DLGAP4: variants seen among roughly 807,000 people sequenced by gnomAD.
The protein encoded by DLGAP4 is DLG associated protein 4.
Under a neutral mutation model 86.9 loss-of-function variants are expected in DLGAP4, and 18 were observed. That is an observed-to-expected ratio of 0.21 (90% CI 0.14 to 0.31). The LOEUF is 0.31. Among genes scored for constraint, DLGAP4 ranks in the 10% least tolerant of loss-of-function variants. The pLI, the probability that DLGAP4 is intolerant of heterozygous loss-of-function variation, is 1.00. For missense variants in DLGAP4, 1,085 were observed against 1,362.6 expected, an observed-to-expected ratio of 0.80 and a Z score of 3.21; for synonymous variants, 548 against 574.3, an observed-to-expected ratio of 0.95 and a Z score of 0.65.
intron 4 of DLGAP4, among the ~76,000 whole-genome samples, chr20:36,439,316 CA>C (rs1294887548): frequency 3.3e-5 from 5 of 152,176 alleles, no homozygotes; most frequent in Admixed American, 2.6e-4. Flanking sequence ...CCTTCTGTAT[CA>C]GGGGCCTAAG....
At chr20:36,472,439 G>C (rs2034709008) in intron 7 of DLGAP4, among the ~76,000 whole-genome samples, 1 of 150,800 alleles carries the variant, frequency 6.6e-6, no homozygotes, top group South Asian at 2.1e-4. Context: ...GGAGGTCAAG[G>C]CTGTAGTGAG....
chr20:36,514,498 A>C (rs2036921443), intron 10 of DLGAP4, among the ~76,000 whole-genome samples: 1 of 151,382 alleles, frequency 6.6e-6, no homozygotes, highest in African/African-American at 2.4e-5. Flanking sequence ...GCAGCCTTGA[A>C]CTCCTGGGCT....
intron 1 of DLGAP4, among the ~76,000 whole-genome samples, chr20:36,315,746 G>A (rs1165720493): frequency 1.3e-5 from 2 of 152,136 alleles, no homozygotes; most frequent in Non-Finnish European, 2.9e-5. Flanking sequence ...GCCACAGAAG[G>A]TTCCAGAGCA....
At chr20:36,333,008 G>A (rs2065285702) in intron 1 of DLGAP4, among the ~76,000 whole-genome samples, 1 of 152,120 alleles carries the variant, frequency 6.6e-6, no homozygotes, top group Admixed American at 6.5e-5. Context: ...ATGTAGTCTG[G>A]CTGGAAAAAG....
chr20:36,441,103 C>G (rs574298721), intron 5 of DLGAP4, among the ~76,000 whole-genome samples: 1 of 152,232 alleles, frequency 6.6e-6, no homozygotes, highest in African/African-American at 2.4e-5. Flanking sequence ...CCAGAGGGAG[C>G]TGTCAGAGCC....
intron 7 of DLGAP4, chr20:36,492,947 T>G (rs1399819879): frequency 6.6e-6 from 1 of 152,062 alleles, no homozygotes; most frequent in Non-Finnish European, 1.5e-5. Context: ...AACGTCCAGG[T>G]CTTGGTGGAA....
chr20:36,348,164 A>C (rs1289928305), intron 1 of DLGAP4, among the ~76,000 whole-genome samples: 25 of 152,258 alleles, frequency 1.6e-4, no homozygotes, highest in Non-Finnish European at 3.7e-4. Flanking sequence ...AGGGAAATGT[A>C]CACTTTATTC....
chr20:36,378,951 G>C (rs1268057101), intron 2 of DLGAP4, among the ~76,000 whole-genome samples: 3 of 152,162 alleles, frequency 2.0e-5, no homozygotes, highest in Non-Finnish European at 4.4e-5. Flanking sequence ...GAAGTGGTTG[G>C]AAAAGATGGG....
At chr20:36,380,700 A>C (rs2147443707) in intron 2 of DLGAP4, among the ~76,000 whole-genome samples, 1 of 151,910 alleles carries the variant, frequency 6.6e-6, no homozygotes, top group East Asian at 1.9e-4. Flanking sequence ...GGGCCAGTGC[A>C]GTGATTCAGA....
rs528632514 is a variant in DLGAP4 at position 36,338,540 on chromosome 20, C to A, written c.-303-28505C>A. Reference sequence around the variant, plus strand: ...TGAGCTGAGATCGTGTCATTGCACTCCAGCCTGGGCAAGAAGAGTGAAACT... The same window carrying A: ...TGAGCTGAGATCGTGTCATTGCACTACAGCCTGGGCAAGAAGAGTGAAACT... On this transcript the variant is annotated intron_variant, in intron 1 of 12. Coordinates refer to ENST00000339266, the MANE Select transcript of DLGAP4 (RefSeq NM_001365621.2). 1.4e-4 allele frequency among the ~76,000 whole-genome samples: 22 copies of A among 152,308 alleles called. No individual in the cohort carries two copies. The East Asian group carries it at 3.7e-3, about 25-fold the overall frequency.
At chr20:36,466,973 T>TCTCCCCCC (rs2034396473) in intron 7 of DLGAP4, among the ~76,000 whole-genome samples, 1 of 134,898 alleles carries the variant, frequency 7.4e-6, no homozygotes, top group African/African-American at 2.8e-5. Context: ...TCTGTCTCTC[T>TCTCCCCCC]CCTCTCTCTC....
chr20:36,415,704 T>C (rs139186345), intron 2 of DLGAP4, among the ~76,000 whole-genome samples: 219 of 152,252 alleles, frequency 1.4e-3, no homozygotes, highest in Non-Finnish European at 2.7e-3. Context: ...TCAAGAAGGC[T>C]GGCTCCAGAG....
rs764168028 is a variant in DLGAP4, at chr20:36,500,390, A to G, written c.2291A>G (p.Tyr764Cys). The G allele has an allele frequency of 5.0e-6, 8 of 1,602,284 alleles. No individual in the cohort carries two copies. The African/African-American group carries it at 9.4e-5, about 19-fold the overall frequency. ...GCCCAGATCAAGCGCAACCTCTCCT[A>G]TGGAGACAACAGCGACCCTGCCCTA... Reference protein sequence around the residue: ...KIAQIKRNLSYGDNSDPALEA... With the variant: ...KIAQIKRNLSCGDNSDPALEA... The change falls in exon 10 of 13, where the codon TAT becomes TGT. Residue 764 changes from tyrosine (Y) to cysteine (C), a missense_variant. Around this residue, in one of 2 missense-constraint regions of DLGAP4, gnomAD observed 1,082 missense variants for 1,344.1 expected, o/e 0.81. Transcript: ENST00000339266. The surrounding 1 kb of genome is among the most constrained non-coding windows in gnomAD (Gnocchi z 4.6).
chr20:36,402,600 TA>T (rs1439612060), intron 2 of DLGAP4, among the ~76,000 whole-genome samples: 3 of 152,052 alleles, frequency 2.0e-5, no homozygotes, highest in African/African-American at 4.8e-5. Context: ...ATTAAAAAAT[TA>T]GCTGGACATG....
intron 7 of DLGAP4, among the ~76,000 whole-genome samples, chr20:36,457,379 C>T (rs1200515096): frequency 2.7e-5 from 4 of 149,906 alleles, no homozygotes; most frequent in East Asian, 1.9e-4. Context: ...CCACCACGCC[C>T]GGCTAATTTT....
At chr20:36,316,112 T>C (rs970236250) in intron 1 of DLGAP4, among the ~76,000 whole-genome samples, 2,238 of 152,290 alleles carry the variant, frequency 0.015, 55 homozygotes, top group African/African-American at 0.051. Context: ...TCCTTCCCCA[T>C]TGACCTCCCC....
intron 1 of DLGAP4, among the ~76,000 whole-genome samples, chr20:36,361,437 G>T (rs1555894216): frequency 1.3e-5 from 2 of 152,146 alleles, no homozygotes; most frequent in African/African-American, 4.8e-5. Flanking sequence ...TGTTTGGTTT[G>T]TTTTTTGTGT....
chr20:36,399,720 T>C (rs1319022629), intron 2 of DLGAP4, among the ~76,000 whole-genome samples: 2 of 152,184 alleles, frequency 1.3e-5, no homozygotes, highest in African/African-American at 4.8e-5. Flanking sequence ...CTAATTCCAG[T>C]GGGTTGCATA....
chr20:36,459,436 G>A (rs2033964818), intron 7 of DLGAP4, among the ~76,000 whole-genome samples: 1 of 152,088 alleles, frequency 6.6e-6, no homozygotes, highest in Admixed American at 6.6e-5. Flanking sequence ...GAGTGCCGTG[G>A]CAGGATCACA....
Sources: gnomAD v4.1 joint callset for allele counts (sites outside exome capture counted in the v4.1 genomes callset) on GRCh38, gnomAD v4.1.1 for gene constraint, gnomAD v4.1.1 regional missense constraint, Gnocchi (gnomAD v3.1) non-coding constraint, MANE v1.5 for transcripts, NCBI Gene and HGNC (gene_info 2026-07-23, HGNC 2026-07-21) for gene names.